Variants in GARNL3 observed in about 807,000 individuals in gnomAD.
GARNL3 encodes the protein GTPase activating Rap/RanGAP domain like 3.
A neutral mutation model predicts 125.0 loss-of-function variants in GARNL3; 63 were observed. The observed-to-expected ratio is 0.50, with a 90% confidence interval of 0.41 to 0.62. The LOEUF (loss-of-function observed/expected upper bound fraction) is 0.62, where lower values mean the gene tolerates loss of function less well. Ranked by LOEUF, GARNL3 falls within the 20% of genes least tolerant of loss-of-function variation. GARNL3 has a pLI of 0.00. For synonymous variants in GARNL3, 439 were observed against 457.5 expected, an observed-to-expected ratio of 0.96 and a Z score of 0.52; for missense variants, 994 against 1,244.0, an observed-to-expected ratio of 0.80 and a Z score of 3.02.
chr9:127,264,077 T>C, upstream of GARNL3: 1 of 903,840 alleles, frequency 1.1e-6, no homozygotes, highest in Non-Finnish European at 1.7e-6. Flanking sequence ...TATATAATTT[T>C]ATTTTCTATG....
chr9:127,346,514 G>C (rs1588900763), intron 16 of GARNL3, among the ~76,000 whole-genome samples: 2 of 152,200 alleles, frequency 1.3e-5, no homozygotes, highest in South Asian at 4.1e-4. Context: ...CCCATGCACA[G>C]TAGGAATTTA....
intron 4 of GARNL3, among the ~76,000 whole-genome samples, chr9:127,316,490 A>G (rs1007117602): frequency 6.6e-5 from 10 of 152,240 alleles, no homozygotes; most frequent in African/African-American, 2.4e-4. Context: ...TTAGACAGGG[A>G]ATGCAGTGTA....
intron 22 of GARNL3, among the ~76,000 whole-genome samples, chr9:127,381,422 C>A (rs1327043792): frequency 2.0e-5 from 3 of 151,880 alleles, no homozygotes; most frequent in South Asian, 4.2e-4. Context: ...TAGGTGGGGA[C>A]ATTTTGTGAA....
At position 127,339,669 on chromosome 9, in the gene GARNL3, C is replaced by A; in HGVS notation, c.1053C>A (p.Ser351Arg). ...GGCTGAAAATATTTTCAGAAGAGAG[C>A]GTACCACTCTTTGGCCCTCCCTTGC... ...NYRLKIFSEE[S>R]VPLFGPPLPT... Residue 351 changes from serine to arginine, a missense_variant, in exon 13 of 28, where the codon AGC becomes AGA. This residue lies in a region of GARNL3 where 728 missense variants were observed against 865.7 expected (regional missense o/e 0.84). Coordinates refer to ENST00000373387, the MANE Select transcript of GARNL3 (RefSeq NM_032293.5). 6.2e-7 allele frequency: 1 copy of A among 1,612,182 alleles called. No individual in the cohort carries two copies. Among genetic ancestry groups the A allele is most frequent in the Non-Finnish European group, 8.5e-7 (1 of 1,178,216 alleles).
In GARNL3 at chr9:127,384,978, G is replaced by A. The variant is rs780091451; in HGVS notation, c.2270-49G>A. On this transcript the variant is annotated intron_variant, in intron 23 of 27. Transcript: ENST00000373387. This position sits in a 1 kb window ranked among gnomAD's most constrained non-coding sequence, Gnocchi z 4.0. ...ACTATGACACAGTCACAGCCCCTTC[G>A]CGGCCACCAAGCCAGCAGCTGGGAG... 1.9e-5 allele frequency: 22 copies of A among 1,149,200 alleles called. No individual in the cohort carries two copies. The highest frequency in any genetic ancestry group is 1.3e-4 in the East Asian group (5 of 39,820). 71.2% of individuals were successfully genotyped at this position (1,149,200 alleles called of 1,614,324 possible).
intron 1 of GARNL3, 59 bp from the exon 2 acceptor site, chr9:127,291,109 A>AC: frequency 6.5e-7 from 1 of 1,533,288 alleles, no homozygotes; most frequent in Admixed American, 1.7e-5. Context: ...TAGGATAATT[A>AC]CATACAGATA....
At chr9:127,268,812 A>G (rs1207524561) in intron 1 of GARNL3, among the ~76,000 whole-genome samples, 3 of 152,188 alleles carry the variant, frequency 2.0e-5, no homozygotes, top group African/African-American at 7.2e-5. Context: ...GAATTTGCCT[A>G]TTCTAGATAC....
At position 127,242,991 on chromosome 9, in the gene GARNL3, T is replaced by A; in HGVS notation, c.-28-88T>A. 13 of 1,149,800 alleles carry A rather than the reference T, an allele frequency of 1.1e-5. No individual in the cohort carries two copies. In the South Asian group the frequency reaches 1.9e-4, roughly 17 times the overall value. The allele number at this position is 1,149,800 out of a possible 1,614,324, so 71.2% of individuals were successfully genotyped here. A position where few individuals can be genotyped will look rare whatever the true frequency, so the allele number is the denominator to read the frequency against. On this transcript the variant is annotated intron_variant, in intron 1 of 10. Coordinates refer to the GARNL3 transcript ENST00000439286. The surrounding 1 kb of genome is among the most constrained non-coding windows in gnomAD (Gnocchi z 4.6). ...CCTCCTCCTTGCTTACCAGCGGGGC[T>A]GCCTTTGGGAGGAGGGTAAAGCAGG...
intron 20 of GARNL3, among the ~76,000 whole-genome samples, chr9:127,355,834 TG>T (rs1830659719): frequency 6.6e-6 from 1 of 152,192 alleles, no homozygotes; most frequent in Non-Finnish European, 1.5e-5. Context: ...CAAAGGATAA[TG>T]GAGCAGGGAG....
At position 127,389,116 on chromosome 9, in the gene GARNL3, C is replaced by T. The variant is rs998767306; in HGVS notation, c.2740C>T (p.Leu914=). 1.2e-6 allele frequency: 2 copies of T among 1,610,898 alleles called. No individual in the cohort carries two copies. Among genetic ancestry groups the T allele is most frequent in the Non-Finnish European group, 1.7e-6 (2 of 1,177,142 alleles). ...AGCAAGCAGGACCCGCAGGGAACTA[C>T]TGGGTAATGGTTCTCAATCCTGGTT... The part of the protein sequence containing the change: ...EIASRTRREL[L]GLSDEGGPKS... The change falls in exon 26 of 28, where the codon CTG becomes TTG. Residue 914 remains leucine (L), a synonymous_variant. Transcript: ENST00000373387.
intron 1 of GARNL3, among the ~76,000 whole-genome samples, chr9:127,283,805 G>A (rs1407319179): frequency 6.6e-6 from 1 of 152,184 alleles, no homozygotes; most frequent in Non-Finnish European, 1.5e-5. Flanking sequence ...TCGTTTTGTT[G>A]TTGTTGTTGT....
chr9:127,288,076 G>A (rs1323605498), intron 1 of GARNL3, among the ~76,000 whole-genome samples: 1 of 152,236 alleles, frequency 6.6e-6, no homozygotes, highest in Non-Finnish European at 1.5e-5. Flanking sequence ...ACAAGTAAAT[G>A]TAGTTGCTGT....
chr9:127,267,290 T>G (rs944363458), intron 1 of GARNL3, among the ~76,000 whole-genome samples: 1 of 152,178 alleles, frequency 6.6e-6, no homozygotes, highest in African/African-American at 2.4e-5. Context: ...TATTTAAAAA[T>G]TCCACGTATA....
At chr9:127,225,321 G>A (rs1292246005) in intron 1 of GARNL3, 3 of 984,234 alleles carry the variant, frequency 3.0e-6, no homozygotes, top group East Asian at 1.1e-4. Flanking sequence ...GATGGAACCG[G>A]AGCCCGGCGG....
intron 1 of GARNL3, among the ~76,000 whole-genome samples, chr9:127,232,359 A>G (rs773008015): frequency 3.9e-5 from 6 of 152,060 alleles, no homozygotes; most frequent in Non-Finnish European, 8.8e-5. Context: ...CCCAGGCTGG[A>G]GTACAGTGGC....
intron 1 of GARNL3, among the ~76,000 whole-genome samples, chr9:127,239,887 A>C (rs1369050380): frequency 1.3e-5 from 2 of 152,170 alleles, no homozygotes; most frequent in East Asian, 3.8e-4. Context: ...AATGAGAGAA[A>C]AGGTTTAAAA....
intron 1 of GARNL3, among the ~76,000 whole-genome samples, chr9:127,229,440 C>T (rs1268024360): frequency 6.6e-6 from 1 of 152,176 alleles, no homozygotes; most frequent in African/African-American, 2.4e-5. Flanking sequence ...CCAGATTGGC[C>T]TCCCTTATCC....
chr9:127,377,407 G>T (rs1831979069), intron 22 of GARNL3, among the ~76,000 whole-genome samples: 1 of 152,112 alleles, frequency 6.6e-6, no homozygotes, highest in South Asian at 2.1e-4. Context: ...AATATAAAAA[G>T]TCAGTGTCTG....
chr9:127,319,715 T>C (rs1358942831), intron 5 of GARNL3, among the ~76,000 whole-genome samples: 1 of 152,194 alleles, frequency 6.6e-6, no homozygotes, highest in African/African-American at 2.4e-5. Flanking sequence ...TTAATTTGCT[T>C]GGAGAGTAAT....
Sources: allele counts gnomAD v4.1 joint callset (sites outside exome capture counted in the v4.1 genomes callset), GRCh38; gene constraint gnomAD v4.1.1; regional missense constraint gnomAD v4.1.1; non-coding constraint Gnocchi (gnomAD v3.1); transcripts MANE v1.5; gene names NCBI Gene and HGNC (gene_info 2026-07-23, HGNC 2026-07-21).